The following NPSR1 variants were observed in gnomAD, a reference collection of about 807,000 sequenced individuals.
The protein encoded by NPSR1 is neuropeptide S receptor.
In NPSR1, 48 loss-of-function variants were observed where a neutral mutation model predicts 46.9. That is an observed-to-expected ratio of 1.02 (90% CI 0.81 to 1.30). NPSR1 has a LOEUF of 1.30. Ranked by LOEUF, NPSR1 falls within the 50% of genes most tolerant of loss-of-function variation. The pLI is 0.00. For missense variants in NPSR1, 450 were observed against 449.5 expected (o/e 1.00, Z -0.01); for synonymous variants, 176 against 168.1 (o/e 1.05, Z -0.36).
At chr7:34,871,498 C>T (rs1791451637) in intron 8 of NPSR1, 1 of 151,820 alleles carries the variant, frequency 6.6e-6, no homozygotes, top group African/African-American at 2.4e-5. Flanking sequence ...TACAATCATA[C>T]CTTTCCAGTA....
intron 8 of NPSR1, among the ~76,000 whole-genome samples, chr7:34,875,165 T>C (rs1791545526): frequency 6.6e-6 from 1 of 152,212 alleles, no homozygotes; most frequent in African/African-American, 2.4e-5. Context: ...ATGGAACTCT[T>C]CATGACAATG....
chr7:34,681,102 G>T (rs1792610179), intron 1 of NPSR1, among the ~76,000 whole-genome samples: 1 of 152,026 alleles, frequency 6.6e-6, no homozygotes, highest in African/African-American at 2.4e-5. Context: ...TCCACTTCTT[G>T]ACACAATCCT....
chr7:34,768,665 A>G (rs1301027428), intron 2 of NPSR1, among the ~76,000 whole-genome samples: 1 of 152,194 alleles, frequency 6.6e-6, no homozygotes, highest in Non-Finnish European at 1.5e-5. Flanking sequence ...AAAACATCTA[A>G]TACTCAGTCT....
At chr7:34,781,094 G>C (rs1216305985) in intron 3 of NPSR1, among the ~76,000 whole-genome samples, 1 of 152,100 alleles carries the variant, frequency 6.6e-6, no homozygotes, top group Non-Finnish European at 1.5e-5. Flanking sequence ...GGAAAAAATA[G>C]AGAAGGCACT....
chr7:34,673,664 A>G (rs189006768), intron 1 of NPSR1, among the ~76,000 whole-genome samples: 112 of 152,328 alleles, frequency 7.4e-4, no homozygotes, highest in African/African-American at 2.6e-3. Flanking sequence ...AGACAAGTCT[A>G]GAGGCATTGC....
chr7:34,723,554 TAAAG>T (rs1213531632), intron 2 of NPSR1, among the ~76,000 whole-genome samples: 4 of 150,300 alleles, frequency 2.7e-5, no homozygotes, highest in African/African-American at 9.8e-5. Context: ...AATAAATAAA[TAAAG>T]ATGAATTGTA....
chr7:34,798,227 G>C (rs1788276649), intron 3 of NPSR1, among the ~76,000 whole-genome samples: 1 of 152,106 alleles, frequency 6.6e-6, no homozygotes, highest in Non-Finnish European at 1.5e-5. Flanking sequence ...TAAGTGAACT[G>C]AATGACAATA....
chr7:34,758,590 C>G (rs573719930), intron 2 of NPSR1, among the ~76,000 whole-genome samples: 1 of 152,292 alleles, frequency 6.6e-6, no homozygotes, highest in East Asian at 1.9e-4. Flanking sequence ...TCATTTTTAG[C>G]TTCTTGTTTT....
intron 2 of NPSR1, among the ~76,000 whole-genome samples, chr7:34,774,875 G>A (rs1373752206): frequency 2.0e-5 from 3 of 152,322 alleles, no homozygotes; most frequent in African/African-American, 7.2e-5. Flanking sequence ...GATGTGGAAT[G>A]TGTTGCCTCC....
chr7:34,671,010 T>C (rs1216818851), intron 1 of NPSR1, among the ~76,000 whole-genome samples: 1 of 152,174 alleles, frequency 6.6e-6, no homozygotes, highest in Admixed American at 6.5e-5. Flanking sequence ...ACCATAAGTA[T>C]ACTAAAGAAA....
At chr7:34,759,794 T>A (rs748364259) in intron 2 of NPSR1, among the ~76,000 whole-genome samples, 9 of 152,238 alleles carry the variant, frequency 5.9e-5, no homozygotes, top group Non-Finnish European at 1.2e-4. Flanking sequence ...ATATTTGGAG[T>A]TATCACAAAG....
intron 3 of NPSR1, among the ~76,000 whole-genome samples, chr7:34,779,044 A>T (rs1787112282): frequency 6.6e-6 from 1 of 151,930 alleles, no homozygotes; most frequent in Non-Finnish European, 1.5e-5. Context: ...TTCCTCTCAA[A>T]TTTCCTATTT....
At chr7:34,663,771 C>T (rs866437808) in intron 1 of NPSR1, among the ~76,000 whole-genome samples, 1 of 152,200 alleles carries the variant, frequency 6.6e-6, no homozygotes, top group Non-Finnish European at 1.5e-5. Flanking sequence ...ATTCCAGGCT[C>T]TCTGTTCTGA....
chr7:34,706,539 G>A (rs142803233), intron 2 of NPSR1, among the ~76,000 whole-genome samples: 19 of 152,090 alleles, frequency 1.2e-4, no homozygotes, highest in African/African-American at 4.1e-4. Context: ...CTTAAAGGTT[G>A]CTTTGTCTAT....
At chr7:34,862,509 T>G (rs1791213182) in intron 8 of NPSR1, among the ~76,000 whole-genome samples, 1 of 151,764 alleles carries the variant, frequency 6.6e-6, no homozygotes, top group East Asian at 1.9e-4. Context: ...ATGGGATCAG[T>G]TCCCTGCATT....
intron 2 of NPSR1, among the ~76,000 whole-genome samples, chr7:34,758,920 T>A (rs753788514): frequency 1.3e-5 from 2 of 152,226 alleles, no homozygotes; most frequent in Non-Finnish European, 2.9e-5. Context: ...TTTCTTTGTA[T>A]CTTATGACAT....
intron 2 of NPSR1, among the ~76,000 whole-genome samples, chr7:34,696,233 G>A (rs1479867215): frequency 1.3e-5 from 2 of 152,032 alleles, no homozygotes; most frequent in Non-Finnish European, 2.9e-5. Flanking sequence ...AATAACATAT[G>A]TTCTCCTTCA....
chr7:34,660,600 C>T (rs1791407399), intron 1 of NPSR1, among the ~76,000 whole-genome samples: 1 of 152,094 alleles, frequency 6.6e-6, no homozygotes, highest in Non-Finnish European at 1.5e-5. Flanking sequence ...ATAAAAATAG[C>T]AGCAGCAGTA....
chr7:34,843,208 A>G (rs1251978688), intron 6 of NPSR1, among the ~76,000 whole-genome samples: 1 of 152,192 alleles, frequency 6.6e-6, no homozygotes, highest in Non-Finnish European at 1.5e-5. Context: ...AGACTGGGAA[A>G]TTTATTTTTA....
Sources: allele counts gnomAD v4.1 joint callset (sites outside exome capture counted in the v4.1 genomes callset), GRCh38; gene constraint gnomAD v4.1.1; transcripts MANE v1.5; gene names NCBI Gene and HGNC (gene_info 2026-07-23, HGNC 2026-07-21).